RUNX1T1: variants seen among roughly 807,000 people sequenced by gnomAD.
RUNX1T1 encodes the protein RUNX1 partner transcriptional co-repressor 1.
Under a neutral mutation model 62.8 loss-of-function variants are expected in RUNX1T1, and 4 were observed. The ratio of observed to expected loss-of-function variants is 0.06; its 90% CI spans 0.03 to 0.15. RUNX1T1 has a LOEUF of 0.15. RUNX1T1 is among the 10% of genes least tolerant of loss of function. The probability of loss-of-function intolerance (pLI) is 1.00; values close to 1 mark genes in which losing one functional copy is unlikely to be tolerated. For synonymous variants in RUNX1T1, 291 were observed against 286.0 expected, an observed-to-expected ratio of 1.02 and a Z score of -0.18; for missense variants, 508 against 754.3, an observed-to-expected ratio of 0.67 and a Z score of 3.82.
At chr8:92,086,497 A>G (rs368555226) in intron 1 of RUNX1T1, among the ~76,000 whole-genome samples, 2 of 152,290 alleles carry the variant, frequency 1.3e-5, no homozygotes, top group South Asian at 2.1e-4. Context: ...TAAATAACAG[A>G]TCTTTTATGT....
chr8:91,970,796 G>A lies in RUNX1T1; in HGVS notation c.1320C>T (p.Ala440=), dbSNP rs201731257. 8.1e-5 allele frequency: 131 copies of A among 1,613,162 alleles called. No individual in the cohort carries two copies. In the African/African-American group the frequency reaches 1.1e-3, roughly 13 times the overall value. The stretch of plus-strand genomic sequence containing the variant: ...GGGCTTTCCGCTCCGCCTCAGACAC[G>A]GCCTTCTGCAGCTCCGTCATCGCCT... Residue 440 remains alanine, a synonymous_variant, in exon 10 of 11, where the codon GCC becomes GCT. Coordinates refer to ENST00000396218, the Ensembl canonical transcript of RUNX1T1.
At chr8:91,974,629 T>C (rs1350788881) in intron 9 of RUNX1T1, among the ~76,000 whole-genome samples, 2 of 152,050 alleles carry the variant, frequency 1.3e-5, no homozygotes, top group Non-Finnish European at 2.9e-5. Context: ...TTCAGGTAGG[T>C]GGTACTTGGC....
intron 8 of RUNX1T1, among the ~76,000 whole-genome samples, chr8:91,977,864 C>A (rs1220438625): frequency 6.6e-6 from 1 of 152,162 alleles, no homozygotes; most frequent in Admixed American, 6.5e-5. Flanking sequence ...TCACAGCTCA[C>A]TGCAACCTGT....
At chr8:92,071,698 C>A (rs536630497) in intron 2 of RUNX1T1, among the ~76,000 whole-genome samples, 1 of 152,072 alleles carries the variant, frequency 6.6e-6, no homozygotes, top group Admixed American at 6.5e-5. Flanking sequence ...GAGCGCCAGG[C>A]GGCTGTGAGA....
chr8:91,986,867 A>G lies in RUNX1T1; in HGVS notation c.996+20T>C, dbSNP rs780795636. On this transcript the variant is annotated intron_variant, in intron 7 of 10. Coordinates refer to ENST00000396218, the Ensembl canonical transcript of RUNX1T1. ...GTTTTCCAAACATTTTTTAATCCCAAATGATTACTGATGTCTTACATGGTC... is the reference window on the plus strand; with the variant it reads ...GTTTTCCAAACATTTTTTAATCCCAGATGATTACTGATGTCTTACATGGTC... 5.3e-6 allele frequency: 8 copies of G among 1,496,286 alleles called. No homozygotes were observed. Among genetic ancestry groups the G allele is most frequent in the East Asian group, 2.3e-5 (1 of 44,214 alleles). 92.7% of individuals were successfully genotyped at this position (1,496,286 alleles called of 1,614,324 possible). A position where few individuals can be genotyped will look rare whatever the true frequency, so the allele number is the denominator to read the frequency against.
intron 5 of RUNX1T1, chr8:92,004,429 T>C (rs568775435): frequency 1.3e-5 from 2 of 152,322 alleles, no homozygotes; most frequent in East Asian, 3.9e-4. Context: ...AATGGGAAAT[T>C]TCATGTGTAT....
chr8:92,047,477 T>G (rs1358912237), intron 1 of RUNX1T1, among the ~76,000 whole-genome samples: 1 of 152,172 alleles, frequency 6.6e-6, no homozygotes, highest in Non-Finnish European at 1.5e-5. Flanking sequence ...TATCATTTAT[T>G]GTCTGCTCCT....
chr8:92,062,441 A>G, intron 1 of RUNX1T1: 1 of 1,267,300 alleles, frequency 7.9e-7, no homozygotes, highest in Non-Finnish European at 1.2e-6. Context: ...TCCTGCCCAC[A>G]TCAGATACAA....
At chr8:92,023,438 CCTT>C (rs1824510608) in intron 1 of RUNX1T1, among the ~76,000 whole-genome samples, 1 of 152,108 alleles carries the variant, frequency 6.6e-6, no homozygotes, top group Non-Finnish European at 1.5e-5. Context: ...TCATAACTAG[CCTT>C]CTTCTGTTCA....
intron 10 of RUNX1T1, among the ~76,000 whole-genome samples, chr8:91,961,221 TGATA>T (rs1236067861): frequency 2.0e-5 from 3 of 152,200 alleles, no homozygotes; most frequent in Non-Finnish European, 2.9e-5. Context: ...AATGGGTGCC[TGATA>T]GATAGAAGTG....
chr8:92,056,991 C>T (rs1017474423), intron 1 of RUNX1T1, among the ~76,000 whole-genome samples: 1 of 151,986 alleles, frequency 6.6e-6, no homozygotes, highest in African/African-American at 2.4e-5. Context: ...TTTTTTGTTC[C>T]TGTATCTTAA....
intron 8 of RUNX1T1, among the ~76,000 whole-genome samples, chr8:91,981,293 T>C (rs981972395): frequency 2.0e-5 from 3 of 150,886 alleles, no homozygotes; most frequent in East Asian, 2.0e-4. Flanking sequence ...AATTCAATCA[T>C]ATGACAATCA....
At chr8:91,965,428 G>A (rs951841122) in intron 10 of RUNX1T1, among the ~76,000 whole-genome samples, 2 of 152,172 alleles carry the variant, frequency 1.3e-5, no homozygotes, top group Admixed American at 1.3e-4. Flanking sequence ...AGTGAGGGAG[G>A]GAGGGATGCT....
intron 4 of RUNX1T1, chr8:92,005,775 T>C (rs1820650073): frequency 6.5e-6 from 1 of 152,710 alleles, no homozygotes; most frequent in Non-Finnish European, 1.5e-5. Context: ...AAATATCTTT[T>C]GTCAAGTACT....
At chr8:92,095,123 T>C (rs892288822) in intron 1 of RUNX1T1, 1 of 1,535,478 alleles carries the variant, frequency 6.5e-7, no homozygotes, top group African/African-American at 1.4e-5. Context: ...AAAAGGCAGA[T>C]TTCTCTTTCT....
At chr8:91,986,863 C>T (rs751188630) in intron 7 of RUNX1T1, 24 bp downstream of exon 8, 23 of 1,467,552 alleles carry the variant, frequency 1.6e-5, no homozygotes, top group Non-Finnish European at 2.2e-5. Flanking sequence ...ATTTTTTAAT[C>T]CCAAATGATT....
At chr8:91,957,251 GA>G (rs143288070), downstream of RUNX1T1, 1 of 223,566 alleles carries the variant, frequency 4.5e-6, no homozygotes, top group Non-Finnish European at 8.9e-6. Context: ...TTAGGTTTAT[GA>G]GGTCTGCATT....
intron 5 of RUNX1T1, among the ~76,000 whole-genome samples, chr8:92,000,391 A>G (rs1255010675): frequency 5.9e-5 from 9 of 152,224 alleles, no homozygotes; most frequent in Admixed American, 5.9e-4. Context: ...ATTTTTAAAA[A>G]TCACTCCTTG....
chr8:92,091,862 CTTTT>C lies in RUNX1T1; in HGVS notation c.-86+7714_-86+7717del, dbSNP rs1201260567. Among the ~76,000 whole-genome samples the C allele has an allele frequency of 3.9e-5, 6 of 152,318 alleles. No homozygotes were observed. In the East Asian group the frequency reaches 9.6e-4, roughly 24 times the overall value. ...AACATTGTTCTTCAAACTACCTCTT[CTTTT>C]GAGTTGGTGTTTTAGAAGAAACACT... On this transcript the variant is annotated intron_variant, in intron 1 of 11. Coordinates refer to the RUNX1T1 transcript ENST00000265814.
Sources: allele counts gnomAD v4.1 joint callset (sites outside exome capture counted in the v4.1 genomes callset), GRCh38; gene constraint gnomAD v4.1.1; transcripts MANE v1.5; gene names NCBI Gene and HGNC (gene_info 2026-07-23, HGNC 2026-07-21).